The following NTM variants were observed in gnomAD, a reference collection of about 807,000 sequenced individuals.
NTM encodes neurotrimin.
NTM carries 13 observed loss-of-function variants against 42.1 expected under a neutral mutation model. The observed-to-expected ratio is 0.31, with a 90% confidence interval of 0.20 to 0.49. NTM has a LOEUF of 0.49. NTM is among the 20% of genes least tolerant of loss of function. The pLI is 0.99. For synonymous variants in NTM, 187 were observed against 179.2 expected (o/e 1.04, Z -0.35); for missense variants, 373 against 452.8 (o/e 0.82, Z 1.60).
intron 1 of NTM, among the ~76,000 whole-genome samples, chr11:131,902,940 C>T (rs1261013959): frequency 2.0e-5 from 3 of 152,102 alleles, no homozygotes; most frequent in Non-Finnish European, 4.4e-5. Flanking sequence ...ACAGAATATG[C>T]TATGAACATA....
At chr11:131,456,295 A>G (rs1026354998) in intron 1 of NTM, among the ~76,000 whole-genome samples, 1 of 152,224 alleles carries the variant, frequency 6.6e-6, no homozygotes, top group African/African-American at 2.4e-5. Flanking sequence ...AAACCAGGCT[A>G]GCAGAGAATT....
At chr11:131,733,790 G>A (rs2080050139) in intron 1 of NTM, among the ~76,000 whole-genome samples, 2 of 152,018 alleles carry the variant, frequency 1.3e-5, no homozygotes, top group Admixed American at 6.6e-5. Context: ...CACCTGCCTC[G>A]GCCTTCCAAA....
chr11:131,459,266 A>G (rs1447773316), intron 1 of NTM, among the ~76,000 whole-genome samples: 1 of 152,190 alleles, frequency 6.6e-6, no homozygotes, highest in East Asian at 1.9e-4. Context: ...CATTGTCCTC[A>G]CCTGCTTCTC....
chr11:131,659,900 G>A (rs771289065), intron 1 of NTM, among the ~76,000 whole-genome samples: 42 of 152,222 alleles, frequency 2.8e-4, no homozygotes, highest in African/African-American at 2.4e-4. Flanking sequence ...TTTAAGAAGA[G>A]TCTAAAAGGA....
intron 2 of NTM, among the ~76,000 whole-genome samples, chr11:132,012,686 C>T (rs1375969346): frequency 1.3e-5 from 2 of 152,044 alleles, no homozygotes; most frequent in Non-Finnish European, 2.9e-5. Flanking sequence ...AATTTAATGG[C>T]TCATTAATTC....
intron 2 of NTM, among the ~76,000 whole-genome samples, chr11:132,016,345 T>C (rs1290966793): frequency 6.6e-6 from 1 of 151,906 alleles, no homozygotes; most frequent in Non-Finnish European, 1.5e-5. Context: ...ACAGTTAACC[T>C]CCATTTCTAA....
At chr11:131,569,574 C>CT (rs371565373) in intron 1 of NTM, among the ~76,000 whole-genome samples, 16,441 of 130,818 alleles carry the variant, frequency 0.13, 1,592 homozygotes, top group African/African-American at 0.28. Flanking sequence ...TTTCTTCTCT[C>CT]TTTTTTTTTT....
chr11:131,630,068 A>T (rs191766900), intron 1 of NTM, among the ~76,000 whole-genome samples: 1 of 152,234 alleles, frequency 6.6e-6, no homozygotes, highest in East Asian at 1.9e-4. Flanking sequence ...AGCATAAGCC[A>T]ACTGTTTTAG....
chr11:131,384,028 G>A (rs149758386), intron 1 of NTM, among the ~76,000 whole-genome samples: 2 of 152,284 alleles, frequency 1.3e-5, no homozygotes, highest in East Asian at 1.9e-4. Context: ...GAAAGTGTAA[G>A]AGGACTTCCG....
At chr11:131,807,941 T>G (rs886631250) in intron 1 of NTM, among the ~76,000 whole-genome samples, 3 of 152,190 alleles carry the variant, frequency 2.0e-5, no homozygotes, top group African/African-American at 7.2e-5. Flanking sequence ...ACTTTCAATG[T>G]GTTGGCAGAA....
intron 2 of NTM, among the ~76,000 whole-genome samples, chr11:132,097,411 G>A (rs1192957944): frequency 6.6e-6 from 1 of 152,206 alleles, no homozygotes; most frequent in African/African-American, 2.4e-5. Context: ...TGTTGCACTG[G>A]AGGCCAGGAT....
At chr11:132,219,744 GAA>G (rs905421552) in intron 4 of NTM, among the ~76,000 whole-genome samples, 1 of 151,956 alleles carries the variant, frequency 6.6e-6, no homozygotes, top group Admixed American at 6.6e-5. Flanking sequence ...TGCACCAATG[GAA>G]AGCTCCTGGC....
At chr11:132,332,027 G>A (rs2095809694) in intron 8 of NTM, among the ~76,000 whole-genome samples, 1 of 152,192 alleles carries the variant, frequency 6.6e-6, no homozygotes. Context: ...TAGCCTGTTG[G>A]CCTCAAATCA....
intron 1 of NTM, among the ~76,000 whole-genome samples, chr11:131,609,858 C>T (rs889063152): frequency 1.3e-5 from 2 of 152,100 alleles, no homozygotes; most frequent in African/African-American, 4.8e-5. Context: ...GGAGAAGGGA[C>T]CAAACACAGG....
intron 1 of NTM, among the ~76,000 whole-genome samples, chr11:131,573,206 G>A (rs1458534366): frequency 2.6e-5 from 4 of 152,180 alleles, no homozygotes; most frequent in African/African-American, 9.7e-5. Context: ...ATCATTCCTA[G>A]GAGGAAAATT....
At chr11:131,669,986 G>A (rs1179899799) in intron 1 of NTM, among the ~76,000 whole-genome samples, 11 of 152,286 alleles carry the variant, frequency 7.2e-5, no homozygotes, top group East Asian at 3.9e-4. Flanking sequence ...GGTGGCGTCC[G>A]ATTGAAGCGG....
At chr11:131,448,995 T>C (rs1950275526) in intron 1 of NTM, among the ~76,000 whole-genome samples, 1 of 152,048 alleles carries the variant, frequency 6.6e-6, no homozygotes, top group Non-Finnish European at 1.5e-5. Flanking sequence ...AGCAATGGCC[T>C]ACAATAGGCA....
chr11:131,916,062 G>A (rs535212537), intron 2 of NTM, among the ~76,000 whole-genome samples: 2 of 152,338 alleles, frequency 1.3e-5, no homozygotes, highest in East Asian at 1.9e-4. Context: ...AAGAGGTCAT[G>A]GACCTTGTGA....
intron 1 of NTM, among the ~76,000 whole-genome samples, chr11:131,434,410 T>G (rs1948948085): frequency 6.6e-6 from 1 of 152,228 alleles, no homozygotes; most frequent in Admixed American, 6.5e-5. Flanking sequence ...ACCAACAGTG[T>G]AAAAGCATTC....
Sources: allele counts gnomAD v4.1 joint callset (sites outside exome capture counted in the v4.1 genomes callset), GRCh38; gene constraint gnomAD v4.1.1; transcripts MANE v1.5; gene names NCBI Gene and HGNC (gene_info 2026-07-23, HGNC 2026-07-21).